Variants in SCN10A observed in about 807,000 individuals in gnomAD.
SCN10A encodes the protein sodium voltage-gated channel alpha subunit 10.
In SCN10A, 162 loss-of-function variants were observed where a neutral mutation model predicts 170.7. That is an observed-to-expected ratio of 0.95 (90% CI 0.84 to 1.08). SCN10A has a LOEUF of 1.08. Among genes scored for constraint, SCN10A ranks in the 50% least tolerant of loss-of-function variants. The pLI is 0.00. For synonymous variants in SCN10A, 985 were observed against 904.6 expected, an observed-to-expected ratio of 1.09 and a Z score of -1.59; for missense variants, 2,527 against 2,436.9, an observed-to-expected ratio of 1.04 and a Z score of -0.78.
At chr3:38,803,793 T>A (rs1033702487) in intron 1 of SCN10A, among the ~76,000 whole-genome samples, 2 of 152,034 alleles carry the variant, frequency 1.3e-5, no homozygotes, top group East Asian at 3.9e-4. Context: ...GAACTTAAAG[T>A]ATATAAAAAA....
chr3:38,736,963 GTTTTTTTT>G (rs71085334), intron 15 of SCN10A, among the ~76,000 whole-genome samples: 7 of 46,666 alleles, frequency 1.5e-4, no homozygotes, highest in Non-Finnish European at 2.2e-4. Context: ...AGAAATGTTC[GTTTTTTTT>G]TTTTTTTTTT....
intron 5 of SCN10A, among the ~76,000 whole-genome samples, chr3:38,768,723 T>C (rs756705591): frequency 1.3e-5 from 2 of 152,172 alleles, no homozygotes; most frequent in African/African-American, 4.8e-5. Context: ...TGATGTCTAT[T>C]TGCCTAGGTG....
At chr3:38,736,696 A>C (rs1316497982) in intron 15 of SCN10A, among the ~76,000 whole-genome samples, 2 of 151,962 alleles carry the variant, frequency 1.3e-5, no homozygotes, top group African/African-American at 4.8e-5. Flanking sequence ...TGTGAAATCT[A>C]AGCTAGGTCA....
intron 2 of SCN10A, 134 bp from the exon 3 acceptor site, chr3:38,792,302 A>T: frequency 1.8e-6 from 2 of 1,102,044 alleles, no homozygotes; most frequent in South Asian, 1.5e-5. Context: ...GGTCAATGAG[A>T]GTCAAATGCA....
At chr3:38,815,399 G>T (rs138131379) in intron 1 of SCN10A, among the ~76,000 whole-genome samples, 16 of 152,296 alleles carry the variant, frequency 1.1e-4, no homozygotes, top group African/African-American at 3.8e-4. Flanking sequence ...TTGACATTCA[G>T]AGTCAATAGG....
chr3:38,756,057 AC>A (rs2063801154), intron 10 of SCN10A, 99 bp from the exon 11 acceptor site: 1 of 1,325,626 alleles, frequency 7.5e-7, no homozygotes, highest in Non-Finnish European at 1.1e-6. Context: ...GAGATCTGAA[AC>A]AGAGAAGCTG....
At chr3:38,763,921 C>T (rs2063903958) in intron 5 of SCN10A, among the ~76,000 whole-genome samples, 2 of 152,204 alleles carry the variant, frequency 1.3e-5, no homozygotes, top group African/African-American at 4.8e-5. Flanking sequence ...GGGTACAAGG[C>T]TGGGCCTTTT....
chr3:38,753,717 G>T (rs1453790391), intron 11 of SCN10A, among the ~76,000 whole-genome samples: 2 of 152,142 alleles, frequency 1.3e-5, no homozygotes, highest in East Asian at 1.9e-4. Context: ...TTGCACTTGA[G>T]CACCAAGCAA....
intron 1 of SCN10A, among the ~76,000 whole-genome samples, 188 bp downstream of exon 1, chr3:38,815,849 T>C (rs2064472733): frequency 6.6e-6 from 1 of 152,226 alleles, no homozygotes; most frequent in African/African-American, 2.4e-5. Context: ...AGTGGGAGTC[T>C]TCTATGCATA....
In SCN10A at chr3:38,697,759, G is replaced by A. The variant is rs2063107674; in HGVS notation, c.5461C>T (p.Leu1821=). ...AACTTCTCCTCCATATTTGCCTTCA[G>A]AGAATCCAACTCCCCGGATTCTCCT... The part of the protein sequence containing the change: ...VLGESGELDS[L]KANMEEKFMA... The change falls in exon 28 of 28, where the codon CTG becomes TTG. Residue 1821 remains leucine, a synonymous_variant. Coordinates refer to ENST00000449082, the MANE Select transcript of SCN10A (RefSeq NM_006514.4). The A allele has an allele frequency of 6.2e-7, 1 of 1,614,022 alleles. No individual in the cohort carries two copies. Among genetic ancestry groups the A allele is most frequent in the African/African-American group, 1.3e-5 (1 of 74,902 alleles).
intron 1 of SCN10A, among the ~76,000 whole-genome samples, chr3:38,796,135 A>G (rs1357635888): frequency 6.6e-6 from 1 of 152,110 alleles, no homozygotes; most frequent in East Asian, 1.9e-4. Flanking sequence ...AGCATGCCCC[A>G]AACTAAACTC....
rs761786138 is a variant in SCN10A at position 38,793,814 on chromosome 3, A to G, written c.197T>C (p.Phe66Ser). The change falls in exon 2 of 28, where the codon TTC (phenylalanine) becomes TCC (serine). Residue 66 changes from phenylalanine (F) to serine (S), a missense_variant. Physicochemically the swap from Phe to Ser is radical, Grantham distance 155. Coordinates refer to ENST00000449082, the MANE Select transcript of SCN10A (RefSeq NM_006514.4). ...CAGTTCTGCTGGGAGCTCACCATAGAACTTGGGCAGCTGGTTGCAGGCTTT... is the reference window on the plus strand; with the variant it reads ...CAGTTCTGCTGGGAGCTCACCATAGGACTTGGGCAGCTGGTTGCAGGCTTT... ...DLKACNQLPK[F>S]YGELPAELIG... 2.5e-6 allele frequency: 4 copies of G among 1,613,862 alleles called. No individual in the cohort carries two copies. In the Middle Eastern group the frequency reaches 6.6e-4, roughly 266 times the overall value.
chr3:38,726,305 C>T (rs2063453720), intron 17 of SCN10A, among the ~76,000 whole-genome samples: 1 of 152,144 alleles, frequency 6.6e-6, no homozygotes, highest in South Asian at 2.1e-4. Context: ...ATCTCATTAG[C>T]ATCTCATGCA....
chr3:38,767,456 CA>C (rs2063945048), intron 5 of SCN10A, among the ~76,000 whole-genome samples: 1 of 151,874 alleles, frequency 6.6e-6, no homozygotes, highest in Non-Finnish European at 1.5e-5. Context: ...TCATTCAGTT[CA>C]AAAAATTTTT....
chr3:38,776,056 A>G (rs1224190383), intron 4 of SCN10A, among the ~76,000 whole-genome samples: 1 of 152,148 alleles, frequency 6.6e-6, no homozygotes. Flanking sequence ...TTGGAAAATA[A>G]TATGGAAGTT....
chr3:38,754,153 T>G (rs1230556257), intron 11 of SCN10A, among the ~76,000 whole-genome samples: 1 of 152,256 alleles, frequency 6.6e-6, no homozygotes, highest in East Asian at 1.9e-4. Flanking sequence ...CTCCCCAAAC[T>G]CTCTCAAGTC....
chr3:38,708,205 T>TG (rs1458383380), intron 25 of SCN10A, among the ~76,000 whole-genome samples: 2 of 152,052 alleles, frequency 1.3e-5, no homozygotes, highest in Non-Finnish European at 2.9e-5. Flanking sequence ...ACCATCTTTA[T>TG]GGGGGGAGAG....
chr3:38,746,305 C>T (rs1005919374), intron 13 of SCN10A, among the ~76,000 whole-genome samples: 5 of 151,456 alleles, frequency 3.3e-5, no homozygotes, highest in East Asian at 3.9e-4. Context: ...TATCTTAAGG[C>T]ACTTATACCA....
chr3:38,697,932 G>A lies in SCN10A; in HGVS notation c.5288C>T (p.Ala1763Val). ...PEATQFITFS[A>V]LSDFADTLSG... ...GAGAGTGTCTGCAAAGTCCGAGAGA[G>A]CAGAAAAGGTAATAAACTGAGTGGC... Residue 1763 changes from alanine (A) to valine (V), a missense_variant, in exon 28 of 28, where the codon GCT (alanine) becomes GTT (valine). Physicochemically the swap from Ala to Val is moderately conservative, Grantham distance 64. Transcript: ENST00000449082. 6.2e-7 allele frequency: 1 copy of A among 1,614,106 alleles called. No individual in the cohort carries two copies. The highest frequency in any genetic ancestry group is 8.5e-7 in the Non-Finnish European group (1 of 1,180,030).
Sources: allele counts gnomAD v4.1 joint callset (sites outside exome capture counted in the v4.1 genomes callset), GRCh38; gene constraint gnomAD v4.1.1; transcripts MANE v1.5; gene names NCBI Gene and HGNC (gene_info 2026-07-23, HGNC 2026-07-21).